RLIM: variants seen among roughly 807,000 people sequenced by gnomAD.
RLIM encodes the protein ring finger protein, LIM domain interacting.
Under a neutral mutation model 34.0 loss-of-function variants are expected in RLIM, and 2 were observed. The ratio of observed to expected loss-of-function variants is 0.06; its 90% CI spans 0.02 to 0.19. RLIM has a LOEUF of 0.19. Ranked by LOEUF, RLIM falls within the 10% of genes least tolerant of loss-of-function variation. The pLI is 1.00. For synonymous variants in RLIM, 169 were observed against 164.0 expected (o/e 1.03, Z -0.23); for missense variants, 286 against 479.7 (o/e 0.60, Z 3.77).
chrX:74,596,750 G>A (rs1160984873), intron 1 of RLIM, among the ~76,000 whole-genome samples: 2 of 111,390 alleles, frequency 1.8e-5, no homozygotes, highest in Admixed American at 1.9e-4. Flanking sequence ...GACTGTATGT[G>A]GCACTCCCAT....
At chrX:74,598,573 T>TAA (rs1486485101) in intron 1 of RLIM, among the ~76,000 whole-genome samples, 1 of 110,372 alleles carries the variant, frequency 9.1e-6, no homozygotes, top group African/African-American at 3.3e-5. Flanking sequence ...GGTCAGGAGA[T>TAA]AGAGACCATC....
At chrX:74,600,017 A>T (rs1377055964) in intron 1 of RLIM, among the ~76,000 whole-genome samples, 1 of 109,947 alleles carries the variant, frequency 9.1e-6, no homozygotes, top group Non-Finnish European at 1.9e-5. Flanking sequence ...GTCTAGACAG[A>T]GGCATACCTA....
intron 1 of RLIM, among the ~76,000 whole-genome samples, chrX:74,599,007 C>A (rs2079650884): frequency 9.0e-6 from 1 of 111,403 alleles, no homozygotes; most frequent in Admixed American, 9.6e-5. Context: ...TATCATTCTT[C>A]TCATTAGTAA....
chrX:74,588,845 T>C lies in RLIM; in HGVS notation c.*2595A>G, dbSNP rs2079599558. 1 of 112,232 alleles carries C rather than the reference T, an allele frequency of 8.9e-6. No individual in the cohort carries two copies. The highest frequency in any genetic ancestry group is 1.9e-5 in the Non-Finnish European group (1 of 53,286). The allele number at this position is 112,232 out of a possible 1,213,427, so 9.2% of individuals were successfully genotyped here. On this transcript the variant is annotated 3_prime_UTR_variant, in exon 4 of 4. Coordinates refer to ENST00000332687, the MANE Select transcript of RLIM (RefSeq NM_016120.4). Reference sequence around the variant, plus strand: ...TCCATTGTAATCTGACACCTACGAATGACCTTGTCTTCAATGTCCACAACA... The same window carrying C: ...TCCATTGTAATCTGACACCTACGAACGACCTTGTCTTCAATGTCCACAACA...
chrX:74,601,989 T>A (rs1264381434), intron 1 of RLIM, among the ~76,000 whole-genome samples: 1 of 111,415 alleles, frequency 9.0e-6, no homozygotes, highest in African/African-American at 3.3e-5. Context: ...CCCTCAAAGA[T>A]TACAAAGCAA....
chrX:74,614,013 G>A (rs1271082393), intron 1 of RLIM, among the ~76,000 whole-genome samples: 1 of 109,893 alleles, frequency 9.1e-6, no homozygotes, highest in Non-Finnish European at 1.9e-5. Flanking sequence ...CCAAACCCAA[G>A]CCCGCCATGG....
chrX:74,612,098 G>A (rs1270559844), intron 1 of RLIM, among the ~76,000 whole-genome samples: 4 of 111,271 alleles, frequency 3.6e-5, no homozygotes, highest in African/African-American at 1.3e-4. Flanking sequence ...AATAATGAAA[G>A]GAGTCAATAT....
At chrX:74,599,286 C>T (rs963208936) in intron 1 of RLIM, among the ~76,000 whole-genome samples, 3 of 111,779 alleles carry the variant, frequency 2.7e-5, no homozygotes, top group Non-Finnish European at 5.6e-5. Context: ...GCAGACATTC[C>T]ACACATACTC....
At chrX:74,605,056 A>T (rs1056531680) in intron 1 of RLIM, among the ~76,000 whole-genome samples, 2 of 111,155 alleles carry the variant, frequency 1.8e-5, no homozygotes, top group Non-Finnish European at 3.8e-5. Context: ...CAGCACTGGC[A>T]AGGCACTCCC....
Position 74,585,205 on chromosome X carries a change from T to G in RLIM, c.*6235A>C, listed in dbSNP as rs193214088. On this transcript the variant is annotated 3_prime_UTR_variant, in exon 4 of 4. Transcript: ENST00000332687. ...AAAGATGCGCCTACTTAAAATGTCA[T>G]TCACATAAATCTTTCCAGGATTCTT... is the stretch of plus-strand genomic sequence containing the variant. The G allele has an allele frequency of 2.1e-4, 24 of 112,508 alleles. No individual in the cohort carries two copies. In the East Asian group the frequency reaches 5.0e-3, roughly 24 times the overall value. 9.3% of individuals were successfully genotyped at this position (112,508 alleles called of 1,213,427 possible).
At chrX:74,609,959 T>C (rs929140842) in intron 1 of RLIM, among the ~76,000 whole-genome samples, 1 of 112,307 alleles carries the variant, frequency 8.9e-6, no homozygotes, top group Admixed American at 9.4e-5. Flanking sequence ...TTCATCATCA[T>C]GGAAACGCCA....
At chrX:74,596,178 C>CA (rs1052056288) in intron 1 of RLIM, among the ~76,000 whole-genome samples, 178 bp from the exon 2 acceptor site, 1 of 112,432 alleles carries the variant, frequency 8.9e-6, no homozygotes, top group Non-Finnish European at 1.9e-5. Flanking sequence ...CAAGGGTTGG[C>CA]AAACTACAGC....
rs1047390039 is a variant in RLIM at position 74,614,604 on chromosome X, G to C, written c.-206C>G. On this transcript the variant is annotated 5_prime_UTR_variant, in exon 1 of 4. Coordinates refer to ENST00000332687, the MANE Select transcript of RLIM (RefSeq NM_016120.4). ...CCATTATCTTCCCCATTGTTACCAA[G>C]CAGCGACAGGAAACGACTGCCCACA... The C allele has an allele frequency of 1.5e-4, 17 of 112,127 alleles. No individual in the cohort carries two copies. The highest frequency in any genetic ancestry group is 5.5e-4 in the African/African-American group (17 of 30,847). The allele number at this position is 112,127 out of a possible 1,213,427, so 9.2% of individuals were successfully genotyped here.
Position 74,597,136 on chromosome X carries a change from A to G in RLIM, c.-23-1136T>C, listed in dbSNP as rs147089649. Among the ~76,000 whole-genome samples, 255 of 112,299 alleles carry G rather than the reference A, an allele frequency of 2.3e-3. 1 individual carries two copies. The highest frequency in any genetic ancestry group is 7.7e-3 in the African/African-American group (239 of 30,981). On this transcript the variant is annotated intron_variant, in intron 1 of 3. Coordinates refer to ENST00000332687, the MANE Select transcript of RLIM (RefSeq NM_016120.4). ...TCACAAAAATAAAAATGAGGCTTCAATCAAAGTAAATTTCCCAGGGGCTCA... is the reference window on the plus strand; with the variant it reads ...TCACAAAAATAAAAATGAGGCTTCAGTCAAAGTAAATTTCCCAGGGGCTCA...
chrX:74,603,013 T>A (rs1206706349), intron 1 of RLIM, among the ~76,000 whole-genome samples: 1 of 109,787 alleles, frequency 9.1e-6, no homozygotes, highest in East Asian at 2.9e-4. Flanking sequence ...ACCAGTCTCT[T>A]GAAGCAAGCA....
Position 74,594,372 on chromosome X carries a change from C to G in RLIM, c.187G>C (p.Glu63Gln). Residue 63 changes from glutamate (E) to glutamine (Q), a missense_variant, in exon 3 of 4, where the codon GAG (glutamate) becomes CAG (glutamine). By Grantham distance (29) the Glu-to-Gln change is conservative. Transcript: ENST00000332687. The part of the protein sequence containing the change: ...LGTPGESTEE[E>Q]LLRRLQQIKE... The stretch of plus-strand genomic sequence containing the variant: ...ATTTGCTGTAGTCGTCTCAGCAACT[C>G]TTCCTCAGTACTTTCACCTGAAATT... The G allele has an allele frequency of 8.3e-7, 1 of 1,204,281 alleles. No individual in the cohort carries two copies. Among genetic ancestry groups the G allele is most frequent in the Non-Finnish European group, 1.1e-6 (1 of 891,320 alleles).
intron 1 of RLIM, among the ~76,000 whole-genome samples, chrX:74,605,701 T>G (rs2079679538): frequency 8.9e-6 from 1 of 112,127 alleles, no homozygotes; most frequent in Non-Finnish European, 1.9e-5. Flanking sequence ...CATACAGTAA[T>G]TTAAACAATG....
intron 1 of RLIM, among the ~76,000 whole-genome samples, chrX:74,605,029 T>C (rs1003161595): frequency 1.1e-4 from 12 of 111,139 alleles, no homozygotes; most frequent in Non-Finnish European, 2.1e-4. Flanking sequence ...GGGCTGGAAT[T>C]GGGGGTCAAG....
intron 1 of RLIM, among the ~76,000 whole-genome samples, chrX:74,601,421 A>G (rs1459176211): frequency 1.8e-5 from 2 of 112,246 alleles, no homozygotes; most frequent in Non-Finnish European, 3.8e-5. Flanking sequence ...CTAGGGGAAA[A>G]TTCTGCAAAT....
Sources: allele counts gnomAD v4.1 joint callset (sites outside exome capture counted in the v4.1 genomes callset), GRCh38; gene constraint gnomAD v4.1.1; transcripts MANE v1.5; gene names NCBI Gene and HGNC (gene_info 2026-07-23, HGNC 2026-07-21).